RANBP17: variants seen among roughly 807,000 people sequenced by gnomAD.
The protein encoded by RANBP17 is ran-binding protein 17.
RANBP17 carries 158 observed loss-of-function variants against 141.2 expected under a neutral mutation model. The ratio of observed to expected loss-of-function variants is 1.12; its 90% CI spans 0.98 to 1.28. The LOEUF is 1.28. Ranked by LOEUF, RANBP17 falls within the 50% of genes most tolerant of loss-of-function variation. The pLI is 0.00. For missense variants in RANBP17, 1,438 were observed against 1,290.7 expected (o/e 1.11, Z -1.75); for synonymous variants, 430 against 450.0 (o/e 0.96, Z 0.56).
At chr5:171,167,402 A>G (rs897542969) in intron 14 of RANBP17, among the ~76,000 whole-genome samples, 4 of 152,212 alleles carry the variant, frequency 2.6e-5, no homozygotes, top group Non-Finnish European at 4.4e-5. Context: ...TGATTTTACG[A>G]AAGTCCACTG....
intron 14 of RANBP17, among the ~76,000 whole-genome samples, chr5:170,987,937 A>G (rs937981418): frequency 2.6e-5 from 4 of 151,636 alleles, no homozygotes; most frequent in African/African-American, 9.7e-5. Flanking sequence ...CTATTTATTT[A>G]TCATACCAAA....
chr5:171,098,189 C>T (rs909178039), intron 14 of RANBP17, among the ~76,000 whole-genome samples: 2 of 152,094 alleles, frequency 1.3e-5, no homozygotes, highest in African/African-American at 4.8e-5. Flanking sequence ...ATTTCTGATT[C>T]TAGATCCTTG....
intron 13 of RANBP17, among the ~76,000 whole-genome samples, chr5:170,958,738 A>G (rs1416528078): frequency 6.6e-6 from 1 of 152,162 alleles, no homozygotes; most frequent in African/African-American, 2.4e-5. Flanking sequence ...TGAAAAGTTG[A>G]AGAGTCATAA....
Position 171,240,957 on chromosome 5 carries a change from T to A in RANBP17, c.2452T>A (p.Ser818Thr). The A allele has an allele frequency of 6.2e-7, 1 of 1,613,772 alleles. No homozygotes were observed. The highest frequency in any genetic ancestry group is 8.5e-7 in the Non-Finnish European group (1 of 1,179,714). Residue 818 changes from serine to threonine, a missense_variant, in exon 23 of 28, where the codon TCA (serine) becomes ACA (threonine). Physicochemically the swap from Ser to Thr is moderately conservative, Grantham distance 58. Transcript: ENST00000523189. ...TCAGATCCTGTCCCTTGGGAGCCTC[T>A]CAAAAGATCAGATTTATCCAATGAA... The part of the protein sequence containing the change: ...GNQILSLGSL[S>T]KDQIYPMKLK...
chr5:170,872,109 C>CT (rs1346841443), intron 1 of RANBP17, among the ~76,000 whole-genome samples: 1 of 152,150 alleles, frequency 6.6e-6, no homozygotes, highest in Non-Finnish European at 1.5e-5. Flanking sequence ...TTACTTTGGG[C>CT]AGTATATCCA....
intron 14 of RANBP17, among the ~76,000 whole-genome samples, chr5:171,104,290 G>C (rs1278033221): frequency 6.6e-6 from 1 of 152,146 alleles, no homozygotes; most frequent in Non-Finnish European, 1.5e-5. Flanking sequence ...GCCCGCCTCA[G>C]CTTCCCAAAG....
chr5:170,865,488 C>G (rs1767173008), intron 1 of RANBP17, among the ~76,000 whole-genome samples: 1 of 152,156 alleles, frequency 6.6e-6, no homozygotes, highest in East Asian at 1.9e-4. Context: ...CAAATCGAAC[C>G]ATGACATTTC....
chr5:171,244,759 A>G (rs1285754389), intron 24 of RANBP17, among the ~76,000 whole-genome samples: 1 of 152,070 alleles, frequency 6.6e-6, no homozygotes, highest in Non-Finnish European at 1.5e-5. Flanking sequence ...CAATATTTTA[A>G]TATTGAATTT....
Position 170,979,710 on chromosome 5 carries a change from G to A in RANBP17, c.1710+11333G>A, listed in dbSNP as rs539590608. Among the ~76,000 whole-genome samples, 390 of 152,290 alleles carry A rather than the reference G, an allele frequency of 2.6e-3. 1 individual carries two copies. Among genetic ancestry groups the A allele is most frequent in the Non-Finnish European group, 4.8e-3 (327 of 68,026 alleles). On this transcript the variant is annotated intron_variant, in intron 14 of 27. Coordinates refer to ENST00000523189, the MANE Select transcript of RANBP17 (RefSeq NM_022897.5). ...TCCTTGCCTTCTGCCATGATTGTGAGGCCTCCCCAACCATATGGAACTGTA... is the reference window on the plus strand; with the variant it reads ...TCCTTGCCTTCTGCCATGATTGTGAAGCCTCCCCAACCATATGGAACTGTA...
At chr5:171,067,464 C>G (rs1224958579) in intron 14 of RANBP17, among the ~76,000 whole-genome samples, 1 of 152,132 alleles carries the variant, frequency 6.6e-6, no homozygotes, top group Non-Finnish European at 1.5e-5. Flanking sequence ...TTACTTTTAT[C>G]AGAGATCTCT....
At chr5:170,969,417 G>T (rs1436657695) in intron 14 of RANBP17, among the ~76,000 whole-genome samples, 1 of 151,844 alleles carries the variant, frequency 6.6e-6, no homozygotes, top group Non-Finnish European at 1.5e-5. Flanking sequence ...CTTAGAATCA[G>T]ACAATAATTA....
intron 14 of RANBP17, among the ~76,000 whole-genome samples, chr5:171,049,951 G>T (rs756892423): frequency 1.3e-5 from 2 of 151,974 alleles, no homozygotes; most frequent in African/African-American, 4.8e-5. Flanking sequence ...TGGGTATTTG[G>T]GCTCATTTTT....
At chr5:171,028,440 A>G (rs1781357371) in intron 14 of RANBP17, among the ~76,000 whole-genome samples, 1 of 152,150 alleles carries the variant, frequency 6.6e-6, no homozygotes, top group African/African-American at 2.4e-5. Flanking sequence ...TCTGTAAGAT[A>G]TATATTCTTA....
intron 16 of RANBP17, among the ~76,000 whole-genome samples, chr5:171,174,932 T>C (rs1424390385): frequency 6.6e-6 from 1 of 152,036 alleles, no homozygotes; most frequent in East Asian, 1.9e-4. Flanking sequence ...GTATTTCTCC[T>C]AATGCTATCC....
chr5:170,913,182 C>A (rs1230927837), intron 7 of RANBP17, among the ~76,000 whole-genome samples: 2 of 151,914 alleles, frequency 1.3e-5, no homozygotes, highest in Non-Finnish European at 2.9e-5. Context: ...TGTACTTGCT[C>A]TAAGGAAGCT....
At chr5:171,237,402 G>GT (rs1764609626) in intron 22 of RANBP17, among the ~76,000 whole-genome samples, 1 of 152,156 alleles carries the variant, frequency 6.6e-6, no homozygotes, top group Admixed American at 6.5e-5. Flanking sequence ...AAGTACAAGA[G>GT]TAAGAATGGG....
chr5:171,165,552 A>C (rs1356424597), intron 14 of RANBP17, among the ~76,000 whole-genome samples: 1 of 152,172 alleles, frequency 6.6e-6, no homozygotes, highest in Non-Finnish European at 1.5e-5. Flanking sequence ...AGAAACACCT[A>C]GTTAGTGGCA....
intron 14 of RANBP17, among the ~76,000 whole-genome samples, chr5:170,986,826 A>G (rs941719652): frequency 2.0e-5 from 3 of 151,906 alleles, no homozygotes; most frequent in Non-Finnish European, 4.4e-5. Context: ...CCTGTATGGT[A>G]TGTTACTGTA....
chr5:171,037,620 T>C (rs2127628745), intron 14 of RANBP17, among the ~76,000 whole-genome samples: 1 of 152,290 alleles, frequency 6.6e-6, no homozygotes, highest in African/African-American at 2.4e-5. Flanking sequence ...TTGTATATGG[T>C]ATATACAGCT....
Sources: allele counts gnomAD v4.1 joint callset (sites outside exome capture counted in the v4.1 genomes callset), GRCh38; gene constraint gnomAD v4.1.1; transcripts MANE v1.5; gene names NCBI Gene and HGNC (gene_info 2026-07-23, HGNC 2026-07-21).